The following PAICS variants were observed in gnomAD, a reference collection of about 807,000 sequenced individuals.
The protein encoded by PAICS is bifunctional phosphoribosylaminoimidazole carboxylase/phosphoribosylaminoimidazole succinocarboxamide synthetase.
Under a neutral mutation model 53.7 loss-of-function variants are expected in PAICS, and 33 were observed. The observed-to-expected ratio is 0.61, with a 90% CI of 0.47 to 0.82. PAICS has a LOEUF of 0.82. Among genes scored for constraint, PAICS ranks in the 40% least tolerant of loss-of-function variants. The pLI, the probability that PAICS is intolerant of heterozygous loss-of-function variation, is 0.00. For missense variants in PAICS, 394 were observed against 494.1 expected, an observed-to-expected ratio of 0.80 and a Z score of 1.92; for synonymous variants, 141 against 167.2, an observed-to-expected ratio of 0.84 and a Z score of 1.21.
upstream of PAICS, among the ~76,000 whole-genome samples, chr4:56,432,847 G>GA (rs1186746681): frequency 8.7e-5 from 13 of 149,948 alleles, no homozygotes; most frequent in Non-Finnish European, 1.3e-4. Context: ...CATCAAAAAG[G>GA]AAAAAAACAC....
the PAICS span, among the ~76,000 whole-genome samples, chr4:56,419,165 G>A: frequency 2.0e-5 from 3 of 152,054 alleles, no homozygotes; most frequent in South Asian, 2.1e-4. Context: ...ATAGCCAAAG[G>A]AAATCGTAAG....
At chr4:56,420,351 G>A in the PAICS span, 2 of 151,958 alleles carry the variant, frequency 1.3e-5, no homozygotes, top group African/African-American at 4.8e-5. Context: ...TTTTCCACAT[G>A]TAGCATCATG....
At chr4:56,449,232 A>G (rs1718775662) in intron 5 of PAICS, among the ~76,000 whole-genome samples, 1 of 152,226 alleles carries the variant, frequency 6.6e-6, no homozygotes, top group Admixed American at 6.5e-5. Flanking sequence ...ACTTCTCAAA[A>G]GAAGACATTT....
At chr4:56,411,692 T>C in the PAICS span, among the ~76,000 whole-genome samples, 1 of 152,204 alleles carries the variant, frequency 6.6e-6, no homozygotes, top group African/African-American at 2.4e-5. Flanking sequence ...ACTATCTGTG[T>C]GTACCATGGG....
upstream of PAICS, chr4:56,431,614 G>T: frequency 1.6e-6 from 1 of 635,356 alleles, no homozygotes; most frequent in Non-Finnish European, 2.0e-6. Context: ...TCCTAACCAG[G>T]AGAAGTGATA....
intron 8 of PAICS, among the ~76,000 whole-genome samples, chr4:56,456,848 G>T (rs1439531483): frequency 6.6e-6 from 1 of 151,630 alleles, no homozygotes; most frequent in African/African-American, 2.4e-5. Context: ...ATTATAGTCT[G>T]TTGCATATAG....
intron 6 of PAICS, 22 bp from the exon 7 acceptor site, chr4:56,451,850 T>C: frequency 6.8e-7 from 1 of 1,480,862 alleles, no homozygotes; most frequent in Non-Finnish European, 9.1e-7. Context: ...GTTCTTTTCA[T>C]ATCCACGTAT....
intron 5 of PAICS, 43 bp downstream of exon 5, chr4:56,448,866 C>A: frequency 9.6e-7 from 1 of 1,044,416 alleles, no homozygotes; most frequent in Non-Finnish European, 1.5e-6. Flanking sequence ...TGAGATCAAG[C>A]TGAGATAGAG....
the PAICS span, among the ~76,000 whole-genome samples, chr4:56,429,800 C>T: frequency 6.6e-6 from 1 of 152,178 alleles, no homozygotes; most frequent in African/African-American, 2.4e-5. Flanking sequence ...TCCTTCCGCC[C>T]CCATAAACAT....
At chr4:56,415,649 A>G in the PAICS span, among the ~76,000 whole-genome samples, 1 of 152,256 alleles carries the variant, frequency 6.6e-6, no homozygotes, top group Admixed American at 6.5e-5. Context: ...ATTTGATCAT[A>G]CATGCCAAAA....
chr4:56,418,211 G>A, the PAICS span, among the ~76,000 whole-genome samples: 2 of 152,152 alleles, frequency 1.3e-5, no homozygotes, highest in South Asian at 4.1e-4. Flanking sequence ...AGCTACTCTG[G>A]AGGTTCACTT....
chr4:56,421,599 C>T, the PAICS span: 1 of 152,116 alleles, frequency 6.6e-6, no homozygotes, highest in Non-Finnish European at 1.5e-5. Flanking sequence ...AATGATGAGT[C>T]CCAATTGTAA....
At chr4:56,431,187 T>C (rs1176867288), upstream of PAICS, among the ~76,000 whole-genome samples, 1 of 152,176 alleles carries the variant, frequency 6.6e-6, no homozygotes, top group African/African-American at 2.4e-5. Flanking sequence ...TTAAACACTA[T>C]AGGAATGTTA....
chr4:56,422,321 A>C, the PAICS span: 2 of 152,234 alleles, frequency 1.3e-5, no homozygotes, highest in Non-Finnish European at 2.9e-5. Flanking sequence ...CCTGAAGTAA[A>C]TTTAAAAAGC....
upstream of PAICS, chr4:56,435,554 G>T: frequency 1.2e-6 from 2 of 1,604,698 alleles, no homozygotes; most frequent in South Asian, 2.2e-5. Flanking sequence ...AGCTCGGCCC[G>T]TCGAGCTCAG....
rs542608017 is a variant in PAICS, at chr4:56,439,237, T to G, written c.17-2426T>G. ...TTATCTGATCTGGGCACTGTTTTTT[T>G]TGTTTTTGTTTTTTCTTGAGACGGA... On this transcript the variant is annotated intron_variant, in intron 1 of 8. Coordinates refer to ENST00000512576, the MANE Select transcript of PAICS (RefSeq NM_001079524.2). 3.9e-5 allele frequency among the ~76,000 whole-genome samples: 6 copies of G among 152,286 alleles called. No homozygotes were observed. The South Asian group carries it at 1.2e-3, about 32-fold the overall frequency.
intron 3 of PAICS, among the ~76,000 whole-genome samples, 186 bp downstream of exon 3, chr4:56,447,059 T>C (rs997142894): frequency 6.7e-6 from 1 of 150,300 alleles, no homozygotes; most frequent in Non-Finnish European, 1.5e-5. Flanking sequence ...CAATGATAAA[T>C]CAAATTTTAA....
chr4:56,422,263 G>C, the PAICS span: 1 of 152,126 alleles, frequency 6.6e-6, no homozygotes, highest in Non-Finnish European at 1.5e-5. Flanking sequence ...AACAGAGTGA[G>C]ACTCTGCCTC....
At chr4:56,428,933 A>G in the PAICS span, 1 of 922,260 alleles carries the variant, frequency 1.1e-6, no homozygotes, top group Non-Finnish European at 1.3e-6. Flanking sequence ...CTGTGTTTTT[A>G]TTTAAGAATT....
Sources: gnomAD v4.1 joint callset for allele counts (sites outside exome capture counted in the v4.1 genomes callset) on GRCh38, gnomAD v4.1.1 for gene constraint, MANE v1.5 for transcripts, NCBI Gene and HGNC (gene_info 2026-07-23, HGNC 2026-07-21) for gene names.